CTNNA3: variants seen among roughly 807,000 people sequenced by gnomAD.
The protein encoded by CTNNA3 is catenin alpha 3, also known as catenin alpha-3.
A neutral mutation model predicts 95.7 loss-of-function variants in CTNNA3; 76 were observed. The observed-to-expected ratio is 0.79, with a 90% CI of 0.66 to 0.96. The LOEUF is 0.96. Ranked by LOEUF, CTNNA3 falls within the 40% of genes least tolerant of loss-of-function variation. The pLI, the probability that CTNNA3 is intolerant of heterozygous loss-of-function variation, is 0.00. For synonymous variants in CTNNA3, 431 were observed against 374.4 expected (o/e 1.15, Z -1.74); for missense variants, 1,191 against 1,089.8 (o/e 1.09, Z -1.31).
chr10:66,719,384 C>T (rs187193633), intron 9 of CTNNA3, among the ~76,000 whole-genome samples: 8 of 152,138 alleles, frequency 5.3e-5, no homozygotes, highest in Non-Finnish European at 1.0e-4. Context: ...ACTTTCTGAC[C>T]CTAAGTTAAC....
intron 1 of CTNNA3, among the ~76,000 whole-genome samples, chr10:67,744,578 AG>A (rs1841363509): frequency 6.6e-6 from 1 of 151,312 alleles, no homozygotes; most frequent in South Asian, 2.1e-4. Context: ...AATACCATTC[AG>A]GACATAGGCA....
intron 5 of CTNNA3, among the ~76,000 whole-genome samples, chr10:67,375,484 G>T (rs1459997331): frequency 1.3e-5 from 2 of 152,018 alleles, no homozygotes; most frequent in Admixed American, 6.5e-5. Flanking sequence ...GTGATGGCAT[G>T]TTACTGTAAT....
chr10:66,236,807 A>C (rs989794873), intron 13 of CTNNA3, among the ~76,000 whole-genome samples: 7 of 151,878 alleles, frequency 4.6e-5, no homozygotes, highest in Non-Finnish European at 8.8e-5. Context: ...TACTAGCTGC[A>C]TATAGTTGAT....
chr10:65,953,340 G>A (rs2077658194), intron 17 of CTNNA3, among the ~76,000 whole-genome samples: 2 of 151,442 alleles, frequency 1.3e-5, no homozygotes, highest in African/African-American at 2.4e-5. Flanking sequence ...GCAACAGTAT[G>A]TATTTTCCAT....
rs141221260 is a variant in CTNNA3, at chr10:66,634,198, T to C, written c.1282-12414A>G. 2.0e-5 allele frequency among the ~76,000 whole-genome samples: 3 copies of C among 152,298 alleles called. No homozygotes were observed. In the East Asian group the frequency reaches 5.8e-4, roughly 29 times the overall value. ...AGAATAAAACCTATCTATACCTGTA[T>C]GTGAATTTTTAATACCAATCAAGAA... On this transcript the variant is annotated intron_variant, in intron 9 of 17. Transcript: ENST00000433211.
intron 7 of CTNNA3, among the ~76,000 whole-genome samples, chr10:67,008,577 C>T (rs1925620): frequency 0.017 from 2,581 of 152,154 alleles, 81 homozygotes; most frequent in African/African-American, 0.059. Flanking sequence ...TCGGGGCTGG[C>T]CTGGCTCATC....
intron 5 of CTNNA3, among the ~76,000 whole-genome samples, chr10:67,516,562 GT>G (rs1839820483): frequency 6.6e-6 from 1 of 151,926 alleles, no homozygotes; most frequent in South Asian, 2.1e-4. Context: ...TTTATTTTTT[GT>G]TTTGAAATAT....
At chr10:66,381,307 A>G (rs1348104092) in intron 11 of CTNNA3, among the ~76,000 whole-genome samples, 2 of 152,144 alleles carry the variant, frequency 1.3e-5, no homozygotes, top group Non-Finnish European at 2.9e-5. Context: ...TGCCTCAGGA[A>G]ATGCATGCTG....
rs529453257 is a variant in CTNNA3, at chr10:66,702,419, T to C, written c.1281+63845A>G. Among the ~76,000 whole-genome samples the C allele has an allele frequency of 2.6e-5, 4 of 152,190 alleles. No individual in the cohort carries two copies. In the East Asian group the frequency reaches 7.7e-4, roughly 29 times the overall value. On this transcript the variant is annotated intron_variant, in intron 9 of 17. Coordinates refer to ENST00000433211, the MANE Select transcript of CTNNA3 (RefSeq NM_013266.4). ...ATGTTTCCTTCAGAGTCATCTTGCCTCATTAACAATGGTTTTTGTCTTAGA... is the reference window on the plus strand; with the variant it reads ...ATGTTTCCTTCAGAGTCATCTTGCCCCATTAACAATGGTTTTTGTCTTAGA...
At chr10:67,344,512 T>G (rs1234417671) in intron 5 of CTNNA3, among the ~76,000 whole-genome samples, 1 of 152,122 alleles carries the variant, frequency 6.6e-6, no homozygotes, top group African/African-American at 2.4e-5. Context: ...TTACTACAGC[T>G]TCAATCTTGT....
intron 9 of CTNNA3, among the ~76,000 whole-genome samples, chr10:66,751,802 A>T (rs1839151381): frequency 6.6e-6 from 1 of 152,206 alleles, no homozygotes; most frequent in Non-Finnish European, 1.5e-5. Context: ...AGTGTACTAC[A>T]CACAAAAAAG....
At chr10:66,949,710 C>T (rs1848441144) in intron 7 of CTNNA3, among the ~76,000 whole-genome samples, 1 of 152,134 alleles carries the variant, frequency 6.6e-6, no homozygotes, top group Non-Finnish European at 1.5e-5. Flanking sequence ...AAATTAAAGT[C>T]CATTTTCTTA....
rs541390950 is a variant in CTNNA3 at position 66,249,207 on chromosome 10, G to A, written c.1884+31263C>T. 2.0e-5 allele frequency among the ~76,000 whole-genome samples: 3 copies of A among 152,240 alleles called. No homozygotes were observed. The South Asian group carries it at 6.2e-4, about 32-fold the overall frequency. On this transcript the variant is annotated intron_variant, in intron 13 of 17. Transcript: ENST00000433211. ...ATCGGGGAAACTCTCCAGAACATGA[G>A]TGTGGGCAAAGATTTCTTGAGTAGT...
intron 15 of CTNNA3, among the ~76,000 whole-genome samples, chr10:66,014,005 C>T (rs549176455): frequency 3.3e-5 from 5 of 152,240 alleles, no homozygotes; most frequent in Admixed American, 2.0e-4. Context: ...CCTGAAATTT[C>T]TAAAATGTTT....
chr10:67,410,183 G>C (rs1589263448), intron 5 of CTNNA3, among the ~76,000 whole-genome samples: 1 of 152,230 alleles, frequency 6.6e-6, no homozygotes, highest in East Asian at 1.9e-4. Flanking sequence ...CCATAAAAAG[G>C]AATGAGATCA....
chr10:67,417,161 C>T (rs1415130906), intron 5 of CTNNA3, among the ~76,000 whole-genome samples: 1 of 152,058 alleles, frequency 6.6e-6, no homozygotes, highest in Non-Finnish European at 1.5e-5. Context: ...GGATGGAGCC[C>T]TTGGAGGTCA....
rs1424184175 is a variant in CTNNA3 at position 66,088,472 on chromosome 10, ATAGG to A, written c.1977+14681_1977+14684del. 1.2e-4 allele frequency among the ~76,000 whole-genome samples: 17 copies of A among 146,582 alleles called. No homozygotes were observed. The East Asian group carries it at 1.2e-3, about 11-fold the overall frequency. Reference sequence around the variant, plus strand: ...TATCAGTTGTTTCATATTTATGTAGATAGGTAGGTGTTTTGTGTGTGTGTGTGTG... The same window carrying A: ...TATCAGTTGTTTCATATTTATGTAGATAGGTGTTTTGTGTGTGTGTGTGTG... On this transcript the variant is annotated intron_variant, in intron 14 of 17. Transcript: ENST00000433211.
At chr10:66,914,295 G>T (rs1436884912) in intron 7 of CTNNA3, among the ~76,000 whole-genome samples, 2 of 151,818 alleles carry the variant, frequency 1.3e-5, no homozygotes, top group Non-Finnish European at 2.9e-5. Flanking sequence ...CACGGCCGGA[G>T]AATTTTTTGT....
chr10:66,612,904 C>T (rs1310522091), intron 10 of CTNNA3, among the ~76,000 whole-genome samples: 1 of 151,986 alleles, frequency 6.6e-6, no homozygotes, highest in African/African-American at 2.4e-5. Flanking sequence ...ATGCCATTTC[C>T]ACCGATTCCT....
Sources: allele counts gnomAD v4.1 joint callset (sites outside exome capture counted in the v4.1 genomes callset), GRCh38; gene constraint gnomAD v4.1.1; transcripts MANE v1.5; gene names NCBI Gene and HGNC (gene_info 2026-07-23, HGNC 2026-07-21).